EGF: variants seen among roughly 807,000 people sequenced by gnomAD.
EGF encodes the protein epidermal growth factor.
A neutral mutation model predicts 143.8 loss-of-function variants in EGF; 95 were observed. The observed-to-expected ratio is 0.66, with a 90% CI of 0.56 to 0.78. The LOEUF (loss-of-function observed/expected upper bound fraction) is 0.78, where lower values mean the gene tolerates loss of function less well. Among genes scored for constraint, EGF ranks in the 30% least tolerant of loss-of-function variants. EGF has a pLI of 0.00. For missense variants in EGF, 1,320 were observed against 1,470.9 expected, an observed-to-expected ratio of 0.90 and a Z score of 1.68; for synonymous variants, 510 against 510.5, an observed-to-expected ratio of 1.00 and a Z score of 0.01.
intron 1 of EGF, among the ~76,000 whole-genome samples, chr4:109,918,597 A>G (rs1254580749): frequency 1.3e-5 from 2 of 152,018 alleles, no homozygotes; most frequent in Non-Finnish European, 2.9e-5. Flanking sequence ...CCTCCTACTG[A>G]ATGATTCATC....
chr4:110,011,348 C>G lies in EGF; in HGVS notation c.3517C>G (p.Gln1173Glu), dbSNP rs961305194. 1.2e-6 allele frequency: 2 copies of G among 1,614,036 alleles called. No individual in the cohort carries two copies. Among genetic ancestry groups the G allele is most frequent in the African/African-American group, 1.3e-5 (1 of 74,922 alleles). Reference sequence around the variant, plus strand: ...CTTTCATATGCCCTCCTATGGGACACAGACCCTTGAAGGGGGTGTCGAGAA... The same window carrying G: ...CTTTCATATGCCCTCCTATGGGACAGAGACCCTTGAAGGGGGTGTCGAGAA... ...RSFHMPSYGTQTLEGGVEKPH... is the reference protein window; with the variant it reads ...RSFHMPSYGTETLEGGVEKPH... The change falls in exon 24 of 24, where the codon CAG becomes GAG. Residue 1173 changes from glutamine (Q) to glutamate (E), a missense_variant. Physicochemically the swap from Gln to Glu is conservative, Grantham distance 29. Around this residue, in one of 5 missense-constraint regions of EGF, gnomAD observed 1,186 missense variants for 1,313.7 expected, o/e 0.90. Coordinates refer to ENST00000265171, the MANE Select transcript of EGF (RefSeq NM_001963.6).
chr4:109,983,346 G>A lies in EGF; in HGVS notation c.2372-76G>A, dbSNP rs6825106. On this transcript the variant is annotated intron_variant, in intron 15 of 23. Coordinates refer to ENST00000265171, the MANE Select transcript of EGF (RefSeq NM_001963.6). ...CTGAACTCACAACCAATGAATAGTC[G>A]TAAACATAAATGAAATCAAACTTTT... 188,179 of 1,521,636 alleles carry A rather than the reference G, an allele frequency of 0.12. 26,773 individuals carry two copies. Among genetic ancestry groups the A allele is most frequent in the East Asian group, 0.6 (25,261 of 42,320 alleles). 94.3% of individuals were successfully genotyped at this position (1,521,636 alleles called of 1,614,324 possible). A position where few individuals can be genotyped will look rare whatever the true frequency, so the allele number is the denominator to read the frequency against.
chr4:110,003,652 G>A (rs1049588224), intron 21 of EGF, among the ~76,000 whole-genome samples: 1 of 152,064 alleles, frequency 6.6e-6, no homozygotes, highest in Non-Finnish European at 1.5e-5. Context: ...CTGCTCTAGG[G>A]GCTACTGCTT....
Position 109,912,970 on chromosome 4 carries a change from C to A in EGF, c.-366C>A. The stretch of plus-strand genomic sequence containing the variant: ...AAGGGTTGTAGCTGGAACTTTCCAT[C>A]AGTTCTTCCTTTCTTTTTCCTCTCT... On this transcript the variant is annotated 5_prime_UTR_variant, in exon 1 of 24. Transcript: ENST00000265171. 1 of 247,558 alleles carries A rather than the reference C, an allele frequency of 4.0e-6. No homozygotes were observed. The highest frequency in any genetic ancestry group is 8.0e-6 in the Non-Finnish European group (1 of 125,614). The allele number at this position is 247,558 out of a possible 1,614,324, so 15.3% of individuals were successfully genotyped here. A position where few individuals can be genotyped will look rare whatever the true frequency, so the allele number is the denominator to read the frequency against.
At chr4:109,950,921 T>A (rs1743783869) in intron 5 of EGF, among the ~76,000 whole-genome samples, 1 of 152,182 alleles carries the variant, frequency 6.6e-6, no homozygotes, top group East Asian at 1.9e-4. Flanking sequence ...TGGAGTTGTC[T>A]GTCTTTTTAT....
intron 11 of EGF, among the ~76,000 whole-genome samples, chr4:109,969,510 G>C (rs566232670): frequency 6.6e-6 from 1 of 152,000 alleles, no homozygotes; most frequent in Admixed American, 6.6e-5. Flanking sequence ...GTAGATGACG[G>C]GTTGATGGGT....
chr4:109,933,669 G>C (rs868417394), intron 1 of EGF, among the ~76,000 whole-genome samples: 4 of 151,992 alleles, frequency 2.6e-5, no homozygotes, highest in African/African-American at 9.7e-5. Flanking sequence ...GAGAACATGC[G>C]GTGTTTGGTT....
intron 1 of EGF, among the ~76,000 whole-genome samples, chr4:109,921,257 A>G (rs1345292636): frequency 6.6e-6 from 1 of 151,500 alleles, no homozygotes; most frequent in Non-Finnish European, 1.5e-5. Context: ...AATGTATAGA[A>G]ACTTCAGTTG....
intron 10 of EGF, among the ~76,000 whole-genome samples, chr4:109,965,752 C>T (rs1418982116): frequency 1.3e-5 from 2 of 152,032 alleles, no homozygotes; most frequent in African/African-American, 4.8e-5. Context: ...AGGTTCCACC[C>T]CTGACCACTA....
chr4:109,928,615 A>G (rs1019756830), intron 1 of EGF, among the ~76,000 whole-genome samples: 2 of 152,222 alleles, frequency 1.3e-5, no homozygotes, highest in Non-Finnish European at 2.9e-5. Flanking sequence ...TTTCCCAACG[A>G]GAGACAGCTT....
intron 1 of EGF, among the ~76,000 whole-genome samples, chr4:109,928,274 T>G (rs1739083028): frequency 1.3e-5 from 2 of 152,180 alleles, no homozygotes; most frequent in Non-Finnish European, 2.9e-5. Context: ...ACATGCAAGA[T>G]ATACATTAGT....
At chr4:110,005,296 C>T (rs11569113) in intron 22 of EGF, among the ~76,000 whole-genome samples, 74 of 151,854 alleles carry the variant, frequency 4.9e-4, no homozygotes, top group Non-Finnish European at 7.1e-4. Context: ...TCCACCTGCC[C>T]GGGCCTCTCA....
In EGF at chr4:110,004,606, C is replaced by T. The variant is rs1296808362; in HGVS notation, c.3275C>T (p.Ser1092Phe). 4 of 1,613,790 alleles carry T rather than the reference C, an allele frequency of 2.5e-6. No homozygotes were observed. In the East Asian group the frequency reaches 6.7e-5, roughly 27 times the overall value. Reference sequence around the variant, plus strand: ...GCTGACACTGAGGATGGGATGTCCTCTTGCCCTCAACCTTGGGTAATGTGA... The same window carrying T: ...GCTGACACTGAGGATGGGATGTCCTTTTGCCCTCAACCTTGGGTAATGTGA... ...RPADTEDGMS[S>F]CPQPWFVVIK... Residue 1092 changes from serine to phenylalanine, a missense_variant, in exon 22 of 24, where the codon TCT becomes TTT. Physicochemically the swap from Ser to Phe is radical, Grantham distance 155 (BLOSUM62 -2). Coordinates refer to ENST00000265171, the MANE Select transcript of EGF (RefSeq NM_001963.6).
In EGF at chr4:109,969,260, C is replaced by A. The variant is rs749678485; in HGVS notation, c.1724+141C>A. The A allele has an allele frequency of 6.8e-5, 71 of 1,048,206 alleles. No individual in the cohort carries two copies. The Admixed American group carries it at 1.4e-3, about 21-fold the overall frequency. The allele number at this position is 1,048,206 out of a possible 1,614,324, so 64.9% of individuals were successfully genotyped here. On this transcript the variant is annotated intron_variant, in intron 11 of 23. Coordinates refer to ENST00000265171, the MANE Select transcript of EGF (RefSeq NM_001963.6). Reference sequence around the variant, plus strand: ...GATTGGAGAAAAGAGGCCACCATTGCGGTCCACACTCCCTCCACTTCCTCC... The same window carrying A: ...GATTGGAGAAAAGAGGCCACCATTGAGGTCCACACTCCCTCCACTTCCTCC...
chr4:109,919,283 C>CTCTG (rs1246097270), intron 1 of EGF, among the ~76,000 whole-genome samples: 3 of 113,672 alleles, frequency 2.6e-5, no homozygotes, highest in South Asian at 3.1e-4. Flanking sequence ...ATGCATGCTT[C>CTCTG]TCTGTCTCTC....
At chr4:109,929,801 C>G (rs1301432196) in intron 1 of EGF, among the ~76,000 whole-genome samples, 1 of 152,156 alleles carries the variant, frequency 6.6e-6, no homozygotes, top group African/African-American at 2.4e-5. Flanking sequence ...GCTTCTCTCT[C>G]TCACTTGACC....
In EGF at chr4:109,994,718, C is replaced by G; in HGVS notation, c.2858-15C>G. ...TCCATTCAGAAAGTAAAAGTAATGTCTTGGGTTCTTTTAGACTCTACTCCA... is the reference window on the plus strand; with the variant it reads ...TCCATTCAGAAAGTAAAAGTAATGTGTTGGGTTCTTTTAGACTCTACTCCA... On this transcript the variant is annotated splice_polypyrimidine_tract_variant and intron_variant, in intron 19 of 23. Transcript: ENST00000265171. 1 of 1,613,596 alleles carries G rather than the reference C, an allele frequency of 6.2e-7. No homozygotes were observed. The highest frequency in any genetic ancestry group is 8.5e-7 in the Non-Finnish European group (1 of 1,179,856).
At position 109,941,073 on chromosome 4, in the gene EGF, G is replaced by A; in HGVS notation, c.255G>A (p.Glu85=). The change falls in exon 2 of 24, where the codon GAG becomes GAA. Residue 85 remains glutamate, a synonymous_variant. Transcript: ENST00000265171. ...VSVIMDFHYN[E]KRIYWVDLER... ...TGATCATGGATTTTCATTATAATGAGAAAAGAATCTATTGGGTGGATTTAG... is the reference window on the plus strand; with the variant it reads ...TGATCATGGATTTTCATTATAATGAAAAAAGAATCTATTGGGTGGATTTAG... 1.2e-6 allele frequency: 2 copies of A among 1,613,986 alleles called. No individual in the cohort carries two copies. Among genetic ancestry groups the A allele is most frequent in the Non-Finnish European group, 1.7e-6 (2 of 1,179,958 alleles).
At chr4:109,982,314 T>C (rs1293580010) in intron 15 of EGF, among the ~76,000 whole-genome samples, 3 of 151,102 alleles carry the variant, frequency 2.0e-5, no homozygotes, top group African/African-American at 2.4e-5. Context: ...CAGCCAATTT[T>C]TTTTTCTTTT....
Sources: allele counts gnomAD v4.1 joint callset (sites outside exome capture counted in the v4.1 genomes callset), GRCh38; gene constraint gnomAD v4.1.1; regional missense constraint gnomAD v4.1.1; transcripts MANE v1.5; gene names NCBI Gene and HGNC (gene_info 2026-07-23, HGNC 2026-07-21).